LRRC51: variants seen among roughly 807,000 people sequenced by gnomAD.
The protein encoded by LRRC51 is leucine-rich repeat-containing protein 51.
A neutral mutation model predicts 17.8 loss-of-function variants in LRRC51; 8 were observed. The observed-to-expected ratio is 0.45, with a 90% CI of 0.26 to 0.81. LRRC51 has a LOEUF of 0.81. Ranked by LOEUF, LRRC51 falls within the 30% of genes least tolerant of loss-of-function variation. LRRC51 has a pLI of 0.17. For missense variants in LRRC51, 233 were observed against 239.3 expected, an observed-to-expected ratio of 0.97 and a Z score of 0.17; for synonymous variants, 92 against 96.0, an observed-to-expected ratio of 0.96 and a Z score of 0.24.
chr11:72,081,420 TCAAAA>T lies in LRRC51; in HGVS notation c.-140+547_-140+551del, dbSNP rs762166029. On this transcript the variant is annotated intron_variant, in intron 1 of 5. Transcript: ENST00000289488. ...TGGGCTATAGAGCGATACCTCCATC[TCAAAA>T]CAAAACAAAACGAAACAAAACAAAA... Among the ~76,000 whole-genome samples, 10 of 152,050 alleles carry T rather than the reference TCAAAA, an allele frequency of 6.6e-5. No individual in the cohort carries two copies. In the South Asian group the frequency reaches 1.0e-3, roughly 16 times the overall value.
rs771600238 is a variant in LRRC51 at position 72,096,713 on chromosome 11, C to T, written c.*1193C>T. On this transcript the variant is annotated 3_prime_UTR_variant, in exon 6 of 6. Transcript: ENST00000289488. ...TTAAAGTAGATCAGTAATTTCCAAA[C>T]TCTTCACAGAGTACCAGGGTCTGTA... is the stretch of plus-strand genomic sequence containing the variant. 32 of 1,548,974 alleles carry T rather than the reference C, an allele frequency of 2.1e-5. No homozygotes were observed. Among genetic ancestry groups the T allele is most frequent in the African/African-American group, 1.2e-4 (9 of 73,038 alleles).
chr11:72,084,849 A>AG (rs386374129), intron 1 of LRRC51, among the ~76,000 whole-genome samples: 2 of 147,086 alleles, frequency 1.4e-5, no homozygotes, highest in Non-Finnish European at 1.5e-5. Flanking sequence ...AAAAAAAAAA[A>AG]AAAAAGAAAA....
Position 72,081,179 on chromosome 11 carries a change from G to A in LRRC51, c.-140+294G>A, listed in dbSNP as rs144820471. Among the ~76,000 whole-genome samples, 3 of 152,330 alleles carry A rather than the reference G, an allele frequency of 2.0e-5. No individual in the cohort carries two copies. The South Asian group carries it at 6.2e-4, about 32-fold the overall frequency. Reference sequence around the variant, plus strand: ...GGCTCACGCCTGTAATCCCAACACTGGGAGACCAAGGCGGGCGGACCACTT... The same window carrying A: ...GGCTCACGCCTGTAATCCCAACACTAGGAGACCAAGGCGGGCGGACCACTT... On this transcript the variant is annotated intron_variant, in intron 1 of 5. Coordinates refer to ENST00000289488, the MANE Select transcript of LRRC51 (RefSeq NM_145309.6).
intron 4 of LRRC51, 135 bp downstream of exon 4, chr11:72,093,836 GC>G: frequency 1.2e-6 from 1 of 866,498 alleles, no homozygotes. Context: ...AGGCTAGGGG[GC>G]CAGACAGATA....
At chr11:72,083,674 A>G (rs1038492491) in intron 1 of LRRC51, 2 of 152,200 alleles carry the variant, frequency 1.3e-5, no homozygotes, top group Non-Finnish European at 2.9e-5. Context: ...TAGCACTACA[A>G]TTACAGATTT....
At position 72,094,939 on chromosome 11, in the gene LRRC51, C is replaced by G; in HGVS notation, c.289-9C>G. 1 of 1,614,120 alleles carries G rather than the reference C, an allele frequency of 6.2e-7. No homozygotes were observed. The highest frequency in any genetic ancestry group is 1.7e-5 in the Admixed American group (1 of 60,018). ...GTCTAGCCTGGCTTTTGGTTTCCCT[C>G]CCCAACAGGTCCTAACAACTTTCTT... On this transcript the variant is annotated splice_polypyrimidine_tract_variant and intron_variant, in intron 4 of 5. Transcript: ENST00000289488.
chr11:72,088,539 T>G, intron 2 of LRRC51, 159 bp downstream of exon 2: 2 of 642,414 alleles, frequency 3.1e-6, no homozygotes, highest in East Asian at 5.5e-5. Context: ...TGGGCCAGAC[T>G]GAGAGGGGTG....
At chr11:72,081,174 A>C (rs1944161523) in intron 1 of LRRC51, among the ~76,000 whole-genome samples, 1 of 152,238 alleles carries the variant, frequency 6.6e-6, no homozygotes, top group Non-Finnish European at 1.5e-5. Flanking sequence ...TGTAATCCCA[A>C]CACTGGGAGA....
At position 72,080,892 on chromosome 11, in the gene LRRC51, C is replaced by G. The variant is rs2096608773; in HGVS notation, c.-140+7C>G. The G allele has an allele frequency of 6.6e-6, 1 of 152,350 alleles. No individual in the cohort carries two copies. Among genetic ancestry groups the G allele is most frequent in the Non-Finnish European group, 1.5e-5 (1 of 68,214 alleles). 9.4% of individuals were successfully genotyped at this position (152,350 alleles called of 1,614,324 possible). ...GGAGAGGAAGCGACTGCGGGTGAGT[C>G]GGGCGGGAAAACAGGAAACCCGTTC... On this transcript the variant is annotated splice_region_variant and intron_variant, in intron 1 of 5. Coordinates refer to ENST00000289488, the MANE Select transcript of LRRC51 (RefSeq NM_145309.6).
chr11:72,086,413 T>C, intron 1 of LRRC51: 1 of 702,340 alleles, frequency 1.4e-6, no homozygotes, highest in Non-Finnish European at 2.6e-6. Flanking sequence ...AATATCTTAC[T>C]GTGAACAAGG....
intron 1 of LRRC51, among the ~76,000 whole-genome samples, chr11:72,087,695 G>A (rs557737241): frequency 2.0e-4 from 30 of 152,192 alleles, no homozygotes; most frequent in African/African-American, 6.3e-4. Flanking sequence ...CACTAGTCAC[G>A]TACATTTGAC....
Position 72,096,647 on chromosome 11 carries a change from C to T in LRRC51, c.*1127C>T. On this transcript the variant is annotated 3_prime_UTR_variant, in exon 6 of 6. Coordinates refer to ENST00000289488, the MANE Select transcript of LRRC51 (RefSeq NM_145309.6). ...ACAGCCTTGGGAAATTTATCTAACT[C>T]TCTGGGCCCCTTTGTACTTTTCAGC... 1 of 1,533,380 alleles carries T rather than the reference C, an allele frequency of 6.5e-7. No homozygotes were observed. The highest frequency in any genetic ancestry group is 1.2e-5 in the South Asian group (1 of 80,496). The allele number at this position is 1,533,380 out of a possible 1,614,324, so 95.0% of individuals were successfully genotyped here.
intron 5 of LRRC51, 46 bp from the exon 6 acceptor site, chr11:72,095,333 G>A (rs201350730): frequency 1.5e-4 from 237 of 1,612,956 alleles, no homozygotes; most frequent in Non-Finnish European, 1.8e-4. Flanking sequence ...AGGGGGAAGG[G>A]GATTCTGGTG....
intron 1 of LRRC51, among the ~76,000 whole-genome samples, chr11:72,082,863 A>C (rs549032): frequency 1.3e-5 from 2 of 149,916 alleles, no homozygotes; most frequent in African/African-American, 2.5e-5. Context: ...CCCCACCCCC[A>C]ATTTTTTTTT....
At chr11:72,081,534 G>A (rs528791499) in intron 1 of LRRC51, among the ~76,000 whole-genome samples, 37 of 152,326 alleles carry the variant, frequency 2.4e-4, no homozygotes, top group African/African-American at 8.9e-4. Context: ...CATAACCTGG[G>A]AGATCAGAAA....
chr11:72,082,622 C>G (rs1259790515), intron 1 of LRRC51, among the ~76,000 whole-genome samples: 1 of 152,326 alleles, frequency 6.6e-6, no homozygotes, highest in South Asian at 2.1e-4. Flanking sequence ...GTGCTCCTAC[C>G]TTTATCCACA....
intron 1 of LRRC51, chr11:72,086,521 C>A: frequency 1.4e-6 from 1 of 697,810 alleles, no homozygotes; most frequent in South Asian, 1.5e-5. Flanking sequence ...GGCAGTTTCT[C>A]ATTCATTCAT....
At chr11:72,088,572 T>C in intron 2 of LRRC51, 192 bp downstream of exon 2, 1 of 606,950 alleles carries the variant, frequency 1.6e-6, no homozygotes, top group Non-Finnish European at 2.9e-6. Flanking sequence ...CCAGATGCGG[T>C]GCAGGCCCTC....
At position 72,091,514 on chromosome 11, in the gene LRRC51, A is replaced by G. The variant is rs1343051520; in HGVS notation, c.83-1982A>G. Among the ~76,000 whole-genome samples, 4 of 152,290 alleles carry G rather than the reference A, an allele frequency of 2.6e-5. No individual in the cohort carries two copies. The South Asian group carries it at 6.2e-4, about 24-fold the overall frequency. Reference sequence around the variant, plus strand: ...AAAGGGTGTCCTTCCAGTAGAGAGCAGAAGAGAGTGAAGAAAGCTGGCTAG... The same window carrying G: ...AAAGGGTGTCCTTCCAGTAGAGAGCGGAAGAGAGTGAAGAAAGCTGGCTAG... On this transcript the variant is annotated intron_variant, in intron 3 of 5. Transcript: ENST00000289488.
Sources: gnomAD v4.1 joint callset for allele counts (sites outside exome capture counted in the v4.1 genomes callset) on GRCh38, gnomAD v4.1.1 for gene constraint, MANE v1.5 for transcripts, NCBI Gene and HGNC (gene_info 2026-07-23, HGNC 2026-07-21) for gene names.